Variants in GPR83 observed in about 807,000 individuals in gnomAD.
GPR83 encodes the protein G-protein coupled receptor 72.
A neutral mutation model predicts 28.0 loss-of-function variants in GPR83; 23 were observed. The ratio of observed to expected loss-of-function variants is 0.82; its 90% CI spans 0.59 to 1.16. The LOEUF (loss-of-function observed/expected upper bound fraction) is 1.16. Among genes scored for constraint, GPR83 ranks in the 50% most tolerant of loss-of-function variants. GPR83 has a pLI of 0.00. For missense variants in GPR83, 610 were observed against 536.6 expected, an observed-to-expected ratio of 1.14 and a Z score of -1.35; for synonymous variants, 234 against 215.4, an observed-to-expected ratio of 1.09 and a Z score of -0.76.
intron 1 of GPR83, among the ~76,000 whole-genome samples, chr11:94,398,391 C>A (rs12796488): frequency 0.12 from 18,217 of 152,176 alleles, 1,409 homozygotes; most frequent in Non-Finnish European, 0.17. Context: ...CTTCATTGAG[C>A]CACTCAATGT....
chr11:94,401,152 G>C lies in GPR83; in HGVS notation c.96C>G (p.Ala32=). 6.2e-7 allele frequency: 1 copy of C among 1,614,192 alleles called. No homozygotes were observed. The highest frequency in any genetic ancestry group is 1.7e-5 in the Admixed American group (1 of 60,030). The change falls in exon 1 of 4, where the codon GCC becomes GCG. Residue 32 remains alanine (A), a synonymous_variant. Coordinates refer to ENST00000243673, the MANE Select transcript of GPR83 (RefSeq NM_016540.4). ...GRADEQSAEA[A]LAVPNASHFF... ...AGTGCGAGGCATTGGGCACGGCCAG[G>C]GCCGCCTCCGCGCTCTGCTCGTCGG...
intron 3 of GPR83, among the ~76,000 whole-genome samples, chr11:94,381,553 G>A (rs1405734739): frequency 2.5e-5 from 1 of 39,302 alleles, no homozygotes; most frequent in Non-Finnish European, 6.3e-5. Flanking sequence ...TCACAGGAGT[G>A]AGTGAGTGTG....
chr11:94,382,411 C>T (rs1383005026), intron 3 of GPR83, among the ~76,000 whole-genome samples: 1 of 148,988 alleles, frequency 6.7e-6, no homozygotes, highest in East Asian at 2.0e-4. Flanking sequence ...GACTTTAAGC[C>T]AACAAATATC....
chr11:94,389,020 C>T (rs1412494799), intron 3 of GPR83, among the ~76,000 whole-genome samples: 3 of 152,076 alleles, frequency 2.0e-5, no homozygotes, highest in Non-Finnish European at 2.9e-5. Context: ...AATAATGCCA[C>T]GTATCTACAA....
intron 3 of GPR83, among the ~76,000 whole-genome samples, chr11:94,383,523 C>A (rs1257737781): frequency 6.6e-6 from 1 of 151,916 alleles, no homozygotes; most frequent in Non-Finnish European, 1.5e-5. Context: ...AAAAACCCTT[C>A]AAAAAAATCA....
chr11:94,397,512 A>T (rs1255104667), intron 1 of GPR83, among the ~76,000 whole-genome samples: 1 of 152,244 alleles, frequency 6.6e-6, no homozygotes, highest in East Asian at 1.9e-4. Context: ...GAGAAGGAGT[A>T]TAATGTAGTG....
chr11:94,388,848 A>G (rs928045892), intron 3 of GPR83, among the ~76,000 whole-genome samples: 36 of 152,358 alleles, frequency 2.4e-4, no homozygotes, highest in Non-Finnish European at 4.4e-4. Context: ...GGAACCAAAA[A>G]AGAGCCCACA....
chr11:94,386,542 T>G (rs1405058560), intron 3 of GPR83, among the ~76,000 whole-genome samples: 1 of 152,160 alleles, frequency 6.6e-6, no homozygotes, highest in Non-Finnish European at 1.5e-5. Context: ...ACGCAGGGGT[T>G]GCAATCCTAG....
chr11:94,379,324 T>A lies in GPR83; in HGVS notation c.*825A>T, dbSNP rs1048084060. The A allele has an allele frequency of 6.7e-6, 1 of 148,804 alleles. No individual in the cohort carries two copies. Among genetic ancestry groups the A allele is most frequent in the Non-Finnish European group, 1.5e-5 (1 of 67,534 alleles). 9.2% of individuals were successfully genotyped at this position (148,804 alleles called of 1,614,324 possible). On this transcript the variant is annotated 3_prime_UTR_variant, in exon 4 of 4. Coordinates refer to ENST00000243673, the MANE Select transcript of GPR83 (RefSeq NM_016540.4). ...AGGCAGAGCTTGCAGTGAGCCGAGATTGTGCCACTGAACTCCAACCTGGGT... is the reference window on the plus strand; with the variant it reads ...AGGCAGAGCTTGCAGTGAGCCGAGAATGTGCCACTGAACTCCAACCTGGGT...
chr11:94,396,844 C>A, intron 1 of GPR83, among the ~76,000 whole-genome samples: 1 of 148,796 alleles, frequency 6.7e-6, no homozygotes. Flanking sequence ...GATAGGTAAC[C>A]TCTCTGAATC....
At chr11:94,384,727 G>A (rs565650000) in intron 3 of GPR83, among the ~76,000 whole-genome samples, 2 of 152,326 alleles carry the variant, frequency 1.3e-5, no homozygotes, top group East Asian at 1.9e-4. Context: ...GGAGCCCACT[G>A]CAGCTCAAGG....
chr11:94,393,721 G>T, intron 2 of GPR83, 103 bp from the exon 3 acceptor site: 1 of 1,045,020 alleles, frequency 9.6e-7, no homozygotes, highest in Admixed American at 2.0e-5. Context: ...AGCACTTTGG[G>T]AGTCTGAGGC....
chr11:94,384,531 G>A (rs1944727984), intron 3 of GPR83, among the ~76,000 whole-genome samples: 1 of 152,220 alleles, frequency 6.6e-6, no homozygotes, highest in Non-Finnish European at 1.5e-5. Context: ...ATGAGCCGAA[G>A]CAGGGCAAGG....
Position 94,379,776 on chromosome 11 carries a change from A to C in GPR83, c.*373T>G, listed in dbSNP as rs1006366168. On this transcript the variant is annotated 3_prime_UTR_variant, in exon 4 of 4. Coordinates refer to ENST00000243673, the MANE Select transcript of GPR83 (RefSeq NM_016540.4). ...GGTCACCACACCCAAAGTATGATTTAGGTCTCCCTTAGGGATGCTCAGCAG... is the reference window on the plus strand; with the variant it reads ...GGTCACCACACCCAAAGTATGATTTCGGTCTCCCTTAGGGATGCTCAGCAG... 7 of 164,726 alleles carry C rather than the reference A, an allele frequency of 4.2e-5. No individual in the cohort carries two copies. The highest frequency in any genetic ancestry group is 7.8e-5 in the Non-Finnish European group (6 of 76,612). 10.2% of individuals were successfully genotyped at this position (164,726 alleles called of 1,614,324 possible).
At chr11:94,396,785 A>G (rs868658645) in intron 1 of GPR83, among the ~76,000 whole-genome samples, 1 of 151,278 alleles carries the variant, frequency 6.6e-6, no homozygotes. Context: ...TGTGCTATGG[A>G]GTTGGACTTC....
At position 94,401,305 on chromosome 11, in the gene GPR83, G is replaced by A; in HGVS notation, c.-58C>T. 2 of 1,502,032 alleles carry A rather than the reference G, an allele frequency of 1.3e-6. No individual in the cohort carries two copies. The highest frequency in any genetic ancestry group is 1.8e-6 in the Non-Finnish European group (2 of 1,129,568). 93.0% of individuals were successfully genotyped at this position (1,502,032 alleles called of 1,614,324 possible). A position where few individuals can be genotyped will look rare whatever the true frequency, so the allele number is the denominator to read the frequency against. On this transcript the variant is annotated 5_prime_UTR_variant, in exon 1 of 4. Transcript: ENST00000243673. ...CGGGCCGGGCGTCCCCTCCCGCTGG[G>A]ATCGGAGCGCGCAGCCGGGGTGCGG... is the stretch of plus-strand genomic sequence containing the variant.
rs34496676 is a variant in GPR83 at position 94,400,546 on chromosome 11, CAA to C, written c.387+313_387+314del. On this transcript the variant is annotated intron_variant, in intron 1 of 3. Coordinates refer to ENST00000243673, the MANE Select transcript of GPR83 (RefSeq NM_016540.4). ...ACAGATGAATAGGGAGGCTGAAAGA[CAA>C]AAAAAAAAAAAAAGATGAGGACACT... Among the ~76,000 whole-genome samples the C allele has an allele frequency of 4.6e-3, 541 of 117,158 alleles. 2 individuals carry two copies. Among genetic ancestry groups the C allele is most frequent in the African/African-American group, 0.013 (387 of 29,638 alleles). The allele number at this position is 117,158 out of a possible 152,430, so 76.9% of individuals were successfully genotyped here.
At chr11:94,392,572 C>G (rs1944827263) in intron 3 of GPR83, among the ~76,000 whole-genome samples, 1 of 152,158 alleles carries the variant, frequency 6.6e-6, no homozygotes, top group Non-Finnish European at 1.5e-5. Context: ...TGCCTGTAAT[C>G]TCAGCACTTT....
At chr11:94,391,451 A>G (rs1944815870) in intron 3 of GPR83, among the ~76,000 whole-genome samples, 1 of 152,340 alleles carries the variant, frequency 6.6e-6, no homozygotes, top group South Asian at 2.1e-4. Context: ...AATGGCAACA[A>G]AAGCCTAAAT....
Sources: allele counts gnomAD v4.1 joint callset (sites outside exome capture counted in the v4.1 genomes callset), GRCh38; gene constraint gnomAD v4.1.1; transcripts MANE v1.5; gene names NCBI Gene and HGNC (gene_info 2026-07-23, HGNC 2026-07-21).